Variants in ZBTB11 observed in about 807,000 individuals in gnomAD.
The protein encoded by ZBTB11 is zinc finger and BTB domain-containing protein 11.
Under a neutral mutation model 113.1 loss-of-function variants are expected in ZBTB11, and 68 were observed. That is an observed-to-expected ratio of 0.60 (90% CI 0.49 to 0.74). The LOEUF (loss-of-function observed/expected upper bound fraction) is 0.74, where lower values mean the gene tolerates loss of function less well. Ranked by LOEUF, ZBTB11 falls within the 30% of genes least tolerant of loss-of-function variation. The pLI is 0.00. For missense variants in ZBTB11, 1,104 were observed against 1,279.4 expected (o/e 0.86, Z 2.09); for synonymous variants, 518 against 452.6 (o/e 1.14, Z -1.83).
At chr3:101,659,691 T>G (rs771390791) in intron 6 of ZBTB11, 92 bp downstream of exon 6, 21 of 1,450,888 alleles carry the variant, frequency 1.4e-5, no homozygotes, top group Non-Finnish European at 2.0e-5. Context: ...CAAATGAGAG[T>G]GACTTGAGAA....
In ZBTB11 at chr3:101,652,597, T is replaced by C. The variant is rs754682198; in HGVS notation, c.2543A>G (p.Lys848Arg). ...RRHVKKATHG[K>R]KGRAKQNLER... is the part of the protein sequence containing the mutation. ...CAGGTTTTGCTTTGCTCTTCCTTTC[T>C]TCCCATGGGTAGCTTTCTTTACATG... Residue 848 changes from lysine (K) to arginine (R), a missense_variant, in exon 10 of 11, where the codon AAG becomes AGG. By Grantham distance (26) the Lys-to-Arg change is conservative. This residue lies in a region of ZBTB11 where 148 missense variants were observed against 259.3 expected (regional missense o/e 0.57). Coordinates refer to ENST00000312938, the MANE Select transcript of ZBTB11 (RefSeq NM_014415.4). 1 of 1,614,228 alleles carries C rather than the reference T, an allele frequency of 6.2e-7. No homozygotes were observed. Among genetic ancestry groups the C allele is most frequent in the Non-Finnish European group, 8.5e-7 (1 of 1,180,038 alleles).
chr3:101,665,505 C>T lies in ZBTB11; in HGVS notation c.1082G>A (p.Cys361Tyr). Residue 361 changes from cysteine (C) to tyrosine (Y), a missense_variant, in exon 4 of 11, where the codon TGT becomes TAT. Transcript: ENST00000312938. Reference sequence around the variant, plus strand: ...TCCATTTACCAGTAGTACAATTTCACAATCCCCAAGTTCAGTAGGTAAACT... The same window carrying T: ...TCCATTTACCAGTAGTACAATTTCATAATCCCCAAGTTCAGTAGGTAAACT... ...TTSLPTELGDCEIVLLVNGEL... is the reference protein window; with the variant it reads ...TTSLPTELGDYEIVLLVNGEL... The T allele has an allele frequency of 6.2e-7, 1 of 1,614,200 alleles. No homozygotes were observed. The highest frequency in any genetic ancestry group is 8.5e-7 in the Non-Finnish European group (1 of 1,180,034).
intron 3 of ZBTB11, 134 bp from the exon 4 acceptor site, chr3:101,665,942 A>G: frequency 1.1e-6 from 1 of 946,014 alleles, no homozygotes; most frequent in Non-Finnish European, 1.5e-6. Flanking sequence ...CTGGATTTGC[A>G]TTTTGTTCTG....
At position 101,676,734 on chromosome 3, in the gene ZBTB11, C is replaced by A. The variant is rs1351858891; in HGVS notation, c.181G>T (p.Glu61Ter). ...RRQRHRKTFA[E>*]LEVVLQPERR... ...TCCGGCTGCAGCACCACCTCCAGCT[C>A]CGCGAAGGTCTTGCGGTGCCGCTGC... The change falls in exon 1 of 11, where the codon GAG (glutamate) becomes TAG (stop). Residue 61 changes from glutamate to a stop codon, truncating the protein, a stop_gained. Transcript: ENST00000312938. LOFTEE classifies it high-confidence loss of function. The A allele has an allele frequency of 1.2e-6, 2 of 1,604,180 alleles. No individual in the cohort carries two copies. Among genetic ancestry groups the A allele is most frequent in the Non-Finnish European group, 1.7e-6 (2 of 1,175,656 alleles).
At chr3:101,670,192 T>C (rs1427613176) in intron 3 of ZBTB11, among the ~76,000 whole-genome samples, 2 of 152,116 alleles carry the variant, frequency 1.3e-5, no homozygotes, top group Non-Finnish European at 2.9e-5. Context: ...CCAGAAGAGG[T>C]AGGACTAAAA....
rs1321880585 is a variant in ZBTB11 at position 101,650,990 on chromosome 3, C to T, written c.*176G>A. ...CTGTTTTCAATTTCTCTACACTAAA[C>T]GGACTTTTCTATAGAACCCATTGGC... On this transcript the variant is annotated 3_prime_UTR_variant, in exon 11 of 11. Coordinates refer to ENST00000312938, the MANE Select transcript of ZBTB11 (RefSeq NM_014415.4). 8 of 604,730 alleles carry T rather than the reference C, an allele frequency of 1.3e-5. No homozygotes were observed. Among genetic ancestry groups the T allele is most frequent in the South Asian group, 3.1e-5 (1 of 32,580 alleles). 37.5% of individuals were successfully genotyped at this position (604,730 alleles called of 1,614,324 possible).
chr3:101,664,960 A>G lies in ZBTB11; in HGVS notation c.1623+4T>C, dbSNP rs1936956144. 2 of 1,605,762 alleles carry G rather than the reference A, an allele frequency of 1.2e-6. No individual in the cohort carries two copies. The highest frequency in any genetic ancestry group is 1.1e-5 in the South Asian group (1 of 90,110). ...TACAAAGGTCAACCCTTCTTACATCATACCTGTTGAACTGCTGACTTGGGA... is the reference window on the plus strand; with the variant it reads ...TACAAAGGTCAACCCTTCTTACATCGTACCTGTTGAACTGCTGACTTGGGA... On this transcript the variant is annotated splice_donor_region_variant and intron_variant, in intron 4 of 10. Transcript: ENST00000312938.
chr3:101,669,382 T>C (rs1372272671), intron 3 of ZBTB11, among the ~76,000 whole-genome samples: 3 of 152,234 alleles, frequency 2.0e-5, no homozygotes, highest in African/African-American at 4.8e-5. Flanking sequence ...ATTTCACCTA[T>C]GATTGGCTTA....
intron 1 of ZBTB11, among the ~76,000 whole-genome samples, chr3:101,672,921 G>A (rs577609584): frequency 6.6e-6 from 1 of 152,298 alleles, no homozygotes; most frequent in East Asian, 1.9e-4. Flanking sequence ...GTCCCAGAGG[G>A]ATGTTGTTCT....
chr3:101,670,874 T>G, intron 3 of ZBTB11: 1 of 409,602 alleles, frequency 2.4e-6, no homozygotes, highest in Non-Finnish European at 4.4e-6. Context: ...CAAACTGTTT[T>G]TAACAGTTTA....
chr3:101,657,790 G>C (rs1936824054), intron 6 of ZBTB11, among the ~76,000 whole-genome samples: 2 of 151,974 alleles, frequency 1.3e-5, no homozygotes, highest in African/African-American at 4.8e-5. Flanking sequence ...TTCAAGACCA[G>C]TCTGGGCAAT....
intron 7 of ZBTB11, 89 bp from the exon 8 acceptor site, chr3:101,654,910 G>T (rs1936768833): frequency 4.2e-6 from 4 of 955,154 alleles, no homozygotes; most frequent in African/African-American, 3.3e-5. Context: ...ATCTCACTCT[G>T]TTGCCCAGGT....
Position 101,671,283 on chromosome 3 carries a change from GTC to G in ZBTB11, c.623_624del (p.Arg208ThrfsTer7). The G allele has an allele frequency of 6.2e-7, 1 of 1,614,188 alleles. No individual in the cohort carries two copies. Among genetic ancestry groups the G allele is most frequent in the Non-Finnish European group, 8.5e-7 (1 of 1,180,030 alleles). On this transcript the variant is annotated frameshift_variant, in exon 3 of 11. Transcript: ENST00000312938. LOFTEE classifies it high-confidence loss of function. ...QAVLKQLNEQ[R>X]LSNQFCDVTL... The stretch of plus-strand genomic sequence containing the variant: ...GTAACATCACAGAACTGGTTGGAAA[GTC>G]TCTGTTCGTTCAGCTGTTTTAAGAC...
At chr3:101,660,890 C>A (rs972774957) in intron 5 of ZBTB11, among the ~76,000 whole-genome samples, 1 of 152,080 alleles carries the variant, frequency 6.6e-6, no homozygotes, top group Non-Finnish European at 1.5e-5. Context: ...CCCAGCTGTA[C>A]TGGGAGGAGA....
intron 3 of ZBTB11, among the ~76,000 whole-genome samples, chr3:101,666,983 T>G (rs1244306187): frequency 6.6e-6 from 1 of 152,168 alleles, no homozygotes; most frequent in Admixed American, 6.5e-5. Context: ...TCTCTTGACC[T>G]TGTGATAAGC....
At position 101,652,932 on chromosome 3, in the gene ZBTB11, T is replaced by C. The variant is rs751065950; in HGVS notation, c.2316A>G (p.Glu772=). 2 of 1,611,354 alleles carry C rather than the reference T, an allele frequency of 1.2e-6. No homozygotes were observed. The highest frequency in any genetic ancestry group is 4.5e-5 in the East Asian group (2 of 44,856). Residue 772 remains glutamate (E), a synonymous_variant, in exon 9 of 11, where the codon GAA becomes GAG. Transcript: ENST00000312938. ...EVRGYHCTQC[E]KSFFEARDLR... is the part of the protein sequence containing the mutation. ...GATCTCTAGCTTCAAAGAAACTTTT[T>C]TCACATCTGCAATAAAGTTCAGTTA...
intron 3 of ZBTB11, among the ~76,000 whole-genome samples, chr3:101,666,276 A>G (rs1197410069): frequency 6.6e-6 from 1 of 152,248 alleles, no homozygotes; most frequent in Non-Finnish European, 1.5e-5. Context: ...TATGACTAAA[A>G]GTAAAAAAAC....
chr3:101,670,133 T>C (rs996458136), intron 3 of ZBTB11, among the ~76,000 whole-genome samples: 8 of 152,206 alleles, frequency 5.3e-5, no homozygotes, highest in African/African-American at 1.9e-4. Flanking sequence ...TGGCCGTTAT[T>C]ATTGCTTTCT....
chr3:101,663,718 C>T (rs985211980), intron 5 of ZBTB11, among the ~76,000 whole-genome samples: 1 of 152,000 alleles, frequency 6.6e-6, no homozygotes, highest in African/African-American at 2.4e-5. Context: ...TGGTGAAACC[C>T]TGCATATAAA....
Sources: gnomAD v4.1 joint callset for allele counts (sites outside exome capture counted in the v4.1 genomes callset) on GRCh38, gnomAD v4.1.1 for gene constraint, gnomAD v4.1.1 regional missense constraint, MANE v1.5 for transcripts, NCBI Gene and HGNC (gene_info 2026-07-23, HGNC 2026-07-21) for gene names.